The following ZNF503 variants were observed in gnomAD, a reference collection of about 807,000 sequenced individuals.
The protein encoded by ZNF503 is zinc finger protein 503, also known as NocA-like zinc finger 2.
In ZNF503, 15 loss-of-function variants were observed where a neutral mutation model predicts 34.4. The observed-to-expected ratio is 0.44, with a 90% CI of 0.29 to 0.67. ZNF503 has a LOEUF of 0.67. Ranked by LOEUF, ZNF503 falls within the 30% of genes least tolerant of loss-of-function variation. ZNF503 has a pLI of 0.13. For synonymous variants in ZNF503, 580 were observed against 456.8 expected (o/e 1.27, Z -3.44); for missense variants, 1,007 against 926.8 (o/e 1.09, Z -1.12).
At chr10:75,301,381 C>T in the ZNF503 span, among the ~76,000 whole-genome samples, 6 of 152,074 alleles carry the variant, frequency 3.9e-5, no homozygotes, top group African/African-American at 1.4e-4. Context: ...GTTGGGACTA[C>T]AGGCATGTGC....
chr10:75,390,791 T>C, the ZNF503 span, among the ~76,000 whole-genome samples: 3 of 152,192 alleles, frequency 2.0e-5, no homozygotes, highest in Non-Finnish European at 2.9e-5. Context: ...GTTAGTCAAC[T>C]TGGGCTGCCA....
At chr10:75,394,305 G>A (rs1843673840), downstream of ZNF503, among the ~76,000 whole-genome samples, 1 of 152,230 alleles carries the variant, frequency 6.6e-6, no homozygotes, top group Non-Finnish European at 1.5e-5. Flanking sequence ...GTTGTGAAGT[G>A]TAAGTGGGAT....
the ZNF503 span, among the ~76,000 whole-genome samples, chr10:75,301,100 T>G: frequency 6.6e-6 from 1 of 152,018 alleles, no homozygotes; most frequent in Non-Finnish European, 1.5e-5. Context: ...GGATATCTCT[T>G]CCTATTTTTG....
intron 1 of ZNF503, 131 bp from the exon 2 acceptor site, chr10:75,400,505 A>T (rs1843783768): frequency 7.0e-7 from 1 of 1,429,694 alleles, no homozygotes; most frequent in Non-Finnish European, 9.1e-7. Context: ...CCAAGGCGCA[A>T]TTCTAGGCGG....
chr10:75,388,330 G>A, the ZNF503 span, among the ~76,000 whole-genome samples: 3 of 152,172 alleles, frequency 2.0e-5, no homozygotes, highest in African/African-American at 7.2e-5. Flanking sequence ...CTCCCACCAT[G>A]GCTGATTTCA....
At chr10:75,315,436 C>T in the ZNF503 span, among the ~76,000 whole-genome samples, 1 of 152,166 alleles carries the variant, frequency 6.6e-6, no homozygotes, top group Admixed American at 6.5e-5. Flanking sequence ...TAAATTGTGA[C>T]ATCAGGAACT....
the ZNF503 span, among the ~76,000 whole-genome samples, chr10:75,289,810 C>T: frequency 5.3e-5 from 8 of 152,150 alleles, no homozygotes; most frequent in Non-Finnish European, 7.3e-5. Flanking sequence ...AGGTGATCTG[C>T]CCGCCTTGGC....
At chr10:75,381,805 C>CTTTTTTTGTTTTTTT in the ZNF503 span, among the ~76,000 whole-genome samples, 1 of 38,652 alleles carries the variant, frequency 2.6e-5, no homozygotes, top group Non-Finnish European at 4.6e-5. Context: ...GAACCTAATT[C>CTTTTTTTGTTTTTTT]TTTTTTTTTT....
chr10:75,335,636 A>T, the ZNF503 span, among the ~76,000 whole-genome samples: 1 of 152,178 alleles, frequency 6.6e-6, no homozygotes, highest in Non-Finnish European at 1.5e-5. Flanking sequence ...TTATCCCAAC[A>T]TGAGCATTTC....
chr10:75,368,796 CA>C, the ZNF503 span, among the ~76,000 whole-genome samples: 1 of 152,210 alleles, frequency 6.6e-6, no homozygotes, highest in Non-Finnish European at 1.5e-5. Flanking sequence ...TGGTTTCATT[CA>C]GGGGTGAGAC....
chr10:75,313,693 C>T, the ZNF503 span, among the ~76,000 whole-genome samples: 3 of 152,202 alleles, frequency 2.0e-5, no homozygotes, highest in South Asian at 2.1e-4. Context: ...CAACTCTTCC[C>T]CCAACCTGGA....
chr10:75,392,797 G>A, the ZNF503 span, among the ~76,000 whole-genome samples: 1 of 152,296 alleles, frequency 6.6e-6, no homozygotes, highest in South Asian at 2.1e-4. Context: ...GGGGAGAAAG[G>A]AAAGAAAGAA....
At chr10:75,357,444 G>A in the ZNF503 span, among the ~76,000 whole-genome samples, 2 of 152,122 alleles carry the variant, frequency 1.3e-5, no homozygotes, top group African/African-American at 4.8e-5. Flanking sequence ...CTTGAGCCCA[G>A]GAGGTTGGGG....
the ZNF503 span, among the ~76,000 whole-genome samples, chr10:75,325,335 T>A: frequency 2.4e-3 from 369 of 151,646 alleles, 2 homozygotes; most frequent in African/African-American, 8.4e-3. Context: ...ATATATTTTT[T>A]TTTTTTTTGA....
At chr10:75,312,156 G>A in the ZNF503 span, among the ~76,000 whole-genome samples, 40 of 152,148 alleles carry the variant, frequency 2.6e-4, no homozygotes, top group Admixed American at 2.6e-3. Context: ...GCAGTGAGCT[G>A]AGATCACGCC....
chr10:75,316,550 A>G, the ZNF503 span, among the ~76,000 whole-genome samples: 20 of 152,094 alleles, frequency 1.3e-4, no homozygotes, highest in East Asian at 3.1e-3. Flanking sequence ...TTGTAGAGAC[A>G]AGGTCTCTCT....
chr10:75,282,977 C>T, the ZNF503 span, among the ~76,000 whole-genome samples: 2 of 152,226 alleles, frequency 1.3e-5, no homozygotes, highest in Admixed American at 6.5e-5. Flanking sequence ...GTGCATGTCA[C>T]CCTTCTTACC....
the ZNF503 span, among the ~76,000 whole-genome samples, chr10:75,322,479 A>ATAT: frequency 2.6e-5 from 4 of 152,064 alleles, no homozygotes; most frequent in Admixed American, 2.0e-4. Flanking sequence ...GTTTTCATGT[A>ATAT]TATTAGTTCT....
At chr10:75,368,697 G>T in the ZNF503 span, among the ~76,000 whole-genome samples, 5 of 152,202 alleles carry the variant, frequency 3.3e-5, no homozygotes, top group Non-Finnish European at 5.9e-5. Flanking sequence ...GGCTCACAGA[G>T]ATCCCTGCAT....
Sources: gnomAD v4.1 joint callset for allele counts (sites outside exome capture counted in the v4.1 genomes callset) on GRCh38, gnomAD v4.1.1 for gene constraint, MANE v1.5 for transcripts, NCBI Gene and HGNC (gene_info 2026-07-23, HGNC 2026-07-21) for gene names.